The following GNAL variants were observed in gnomAD, a reference collection of about 807,000 sequenced individuals.
The protein encoded by GNAL is G protein subunit alpha L.
GNAL carries 18 observed loss-of-function variants against 55.1 expected under a neutral mutation model. The observed-to-expected ratio is 0.33, with a 90% CI of 0.23 to 0.48. GNAL has a LOEUF of 0.48. Ranked by LOEUF, GNAL falls within the 20% of genes least tolerant of loss-of-function variation. The pLI is 0.99. For missense variants in GNAL, 412 were observed against 614.1 expected (o/e 0.67, Z 3.48); for synonymous variants, 253 against 237.0 (o/e 1.07, Z -0.62).
intron 5 of GNAL, among the ~76,000 whole-genome samples, chr18:11,827,917 G>A (rs1598411563): frequency 6.6e-6 from 1 of 151,244 alleles, no homozygotes; most frequent in Non-Finnish European, 1.5e-5. Context: ...CTTGCAGTGA[G>A]CCGAGATCGC....
rs771609401 is a variant in GNAL at position 11,876,603 on chromosome 18, C to T, written c.1163-18C>T. 1.2e-5 allele frequency: 18 copies of T among 1,502,714 alleles called. 1 individual carries two copies. The South Asian group carries it at 2.0e-4, about 17-fold the overall frequency. 93.1% of individuals were successfully genotyped at this position (1,502,714 alleles called of 1,614,324 possible). On this transcript the variant is annotated intron_variant, in intron 10 of 11. Coordinates refer to ENST00000334049, the MANE Select transcript of GNAL (RefSeq NM_182978.4). ...GTTTCATGTTGCTTAAATAAAGTTC[C>T]ATTTGTCATTTCTACAGCAACACCA...
chr18:11,723,837 A>G (rs1047913909), intron 1 of GNAL, among the ~76,000 whole-genome samples: 1 of 152,124 alleles, frequency 6.6e-6, no homozygotes, highest in African/African-American at 2.4e-5. Context: ...GAGTGGACCT[A>G]ATGGGAGTGT....
At chr18:11,776,107 C>T (rs764188182) in intron 4 of GNAL, among the ~76,000 whole-genome samples, 9 of 152,208 alleles carry the variant, frequency 5.9e-5, no homozygotes, top group Non-Finnish European at 1.0e-4. Flanking sequence ...GCCTCCAGAG[C>T]GCCTCTTTGC....
rs1175867240 is a variant in GNAL at position 11,824,986 on chromosome 18, C to T, written c.693C>T (p.Asn231=). The T allele has an allele frequency of 3.1e-6, 5 of 1,600,498 alleles. No homozygotes were observed. The highest frequency in any genetic ancestry group is 1.3e-5 in the African/African-American group (1 of 74,478). ...EGVKACFERS[N]EYQLIDCAQY... Reference sequence around the variant, plus strand: ...TGAAGGCATGCTTTGAGAGATCCAACGAATACCAGCTGATTGACTGTGCAC... The same window carrying T: ...TGAAGGCATGCTTTGAGAGATCCAATGAATACCAGCTGATTGACTGTGCAC... The change falls in exon 5 of 12, where the codon AAC becomes AAT. Residue 231 remains asparagine, a synonymous_variant. Transcript: ENST00000334049.
intron 4 of GNAL, among the ~76,000 whole-genome samples, chr18:11,821,231 G>A (rs757969761): frequency 4.5e-4 from 68 of 152,306 alleles, no homozygotes; most frequent in Non-Finnish European, 7.2e-4. Context: ...TTTATCCAGC[G>A]AAGAGTGGTT....
intron 1 of GNAL, among the ~76,000 whole-genome samples, chr18:11,733,006 C>T (rs370139401): frequency 2.0e-5 from 3 of 152,204 alleles, no homozygotes; most frequent in East Asian, 3.8e-4. Context: ...AAATTGCAGA[C>T]AGCAAGGAAA....
chr18:11,789,218 A>T (rs1020826396), intron 4 of GNAL, among the ~76,000 whole-genome samples: 2 of 152,076 alleles, frequency 1.3e-5, no homozygotes, highest in Non-Finnish European at 2.9e-5. Context: ...CATTGCTCTT[A>T]CTTGCCAAGA....
chr18:11,851,762 C>T (rs775888398), intron 5 of GNAL: 16 of 1,613,878 alleles, frequency 9.9e-6, no homozygotes, highest in Non-Finnish European at 1.3e-5. Context: ...ACGGCGGTGA[C>T]GATGGGCAAG....
chr18:11,718,061 A>G (rs1770816926), intron 1 of GNAL, among the ~76,000 whole-genome samples: 2 of 152,210 alleles, frequency 1.3e-5, no homozygotes. Flanking sequence ...CTAATTTACT[A>G]CTAAGAAATA....
intron 1 of GNAL, among the ~76,000 whole-genome samples, chr18:11,711,678 T>A (rs2031842578): frequency 6.6e-6 from 1 of 152,268 alleles, no homozygotes; most frequent in African/African-American, 2.4e-5. Context: ...AGATGATTAT[T>A]TTTAATTCTT....
chr18:11,832,284 A>G lies in GNAL; in HGVS notation c.722+7269A>G, dbSNP rs551018986. Among the ~76,000 whole-genome samples, 8 of 152,292 alleles carry G rather than the reference A, an allele frequency of 5.3e-5. No individual in the cohort carries two copies. The South Asian group carries it at 1.7e-3, about 32-fold the overall frequency. On this transcript the variant is annotated intron_variant, in intron 5 of 11. Transcript: ENST00000334049. ...CACATGATAAGCTCCTTTAGGGTACATCCATTTCAATAATTGGTTTTTGAA... is the reference window on the plus strand; with the variant it reads ...CACATGATAAGCTCCTTTAGGGTACGTCCATTTCAATAATTGGTTTTTGAA...
chr18:11,702,812 T>G (rs1354850546), intron 1 of GNAL, among the ~76,000 whole-genome samples: 2 of 69,760 alleles, frequency 2.9e-5, no homozygotes, highest in African/African-American at 5.5e-5. Context: ...CCAAGAACCT[T>G]CCCACTTAAA....
At position 11,872,803 on chromosome 18, in the gene GNAL, G is replaced by C. The variant is rs1778751504; in HGVS notation, c.1162+405G>C. Among the ~76,000 whole-genome samples, 4 of 152,228 alleles carry C rather than the reference G, an allele frequency of 2.6e-5. 1 individual carries two copies. In the South Asian group the frequency reaches 8.3e-4, roughly 31 times the overall value. On this transcript the variant is annotated intron_variant, in intron 10 of 11. Transcript: ENST00000334049. ...TCTATTATTTTTTCCCGTGGAAAGA[G>C]AGTCTGAGAGAGGAGAGATAGCGTG...
At chr18:11,730,302 G>A (rs1351745088) in intron 1 of GNAL, among the ~76,000 whole-genome samples, 1 of 151,898 alleles carries the variant, frequency 6.6e-6, no homozygotes, top group African/African-American at 2.4e-5. Flanking sequence ...TGGGATTACA[G>A]GTGCCGGCAC....
intron 1 of GNAL, among the ~76,000 whole-genome samples, chr18:11,718,725 C>G (rs1401249037): frequency 6.6e-6 from 1 of 152,186 alleles, no homozygotes; most frequent in Non-Finnish European, 1.5e-5. Context: ...GCAGCATTAA[C>G]AATTGCCCTA....
At chr18:11,866,517 C>T (rs942037316) in intron 7 of GNAL, among the ~76,000 whole-genome samples, 12 of 150,354 alleles carry the variant, frequency 8.0e-5, no homozygotes, top group Admixed American at 3.9e-4. Context: ...GGGCCTGGGC[C>T]GGCCTGATGA....
At position 11,843,196 on chromosome 18, in the gene GNAL, T is replaced by TA. The variant is rs113159474; in HGVS notation, c.722+18192dup. 5.8e-3 allele frequency among the ~76,000 whole-genome samples: 815 copies of TA among 139,770 alleles called. 7 individuals carry two copies. Among genetic ancestry groups the TA allele is most frequent in the African/African-American group, 0.019 (708 of 38,102 alleles). 91.7% of individuals were successfully genotyped at this position (139,770 alleles called of 152,430 possible). ...GAACAACAAAGCAAGACCCTGTCGC[T>TA]AAAAAAAAAAAGAAAAAAGGGGCTG... On this transcript the variant is annotated intron_variant, in intron 5 of 11. Transcript: ENST00000334049.
chr18:11,689,579 A>G lies in GNAL; in HGVS notation c.16A>G (p.Ser6Gly). The G allele has an allele frequency of 7.5e-7, 1 of 1,327,582 alleles. No individual in the cohort carries two copies. The highest frequency in any genetic ancestry group is 9.5e-7 in the Non-Finnish European group (1 of 1,047,854). 82.2% of individuals were successfully genotyped at this position (1,327,582 alleles called of 1,614,324 possible). ...CCGCGCCCACATGGGTCTGTGCTAC[A>G]GTCTGCGGCCGCTGCTTTTCGGGGG... MGLCY[S>G]LRPLLFGGPG... Residue 6 changes from serine to glycine, a missense_variant, in exon 1 of 12, where the codon AGT (serine) becomes GGT (glycine). By Grantham distance (56) the Ser-to-Gly change is moderately conservative. Transcript: ENST00000334049.
At position 11,805,487 on chromosome 18, in the gene GNAL, T is replaced by G. The variant is rs2034635169; in HGVS notation, c.625-19431T>G. Among the ~76,000 whole-genome samples the G allele has an allele frequency of 3.3e-5, 5 of 152,178 alleles. No homozygotes were observed. The South Asian group carries it at 1.0e-3, about 32-fold the overall frequency. Reference sequence around the variant, plus strand: ...ATGTACGTTGTACCCATTAAGTAATTTTTCATCATCTACCCCCCACCAACC... The same window carrying G: ...ATGTACGTTGTACCCATTAAGTAATGTTTCATCATCTACCCCCCACCAACC... On this transcript the variant is annotated intron_variant, in intron 4 of 11. Transcript: ENST00000334049.
Sources: gnomAD v4.1 joint callset for allele counts (sites outside exome capture counted in the v4.1 genomes callset) on GRCh38, gnomAD v4.1.1 for gene constraint, MANE v1.5 for transcripts, NCBI Gene and HGNC (gene_info 2026-07-23, HGNC 2026-07-21) for gene names.